Variants in RAP1GAP2 observed in about 807,000 individuals in gnomAD.
RAP1GAP2 encodes the protein RAP1 GTPase activating protein 2.
In RAP1GAP2, 27 loss-of-function variants were observed where a neutral mutation model predicts 95.0. That is an observed-to-expected ratio of 0.28 (90% CI 0.21 to 0.39). RAP1GAP2 has a LOEUF of 0.39. Among genes scored for constraint, RAP1GAP2 ranks in the 10% least tolerant of loss-of-function variants. The probability of loss-of-function intolerance (pLI) is 1.00; values close to 1 mark genes in which losing one functional copy is unlikely to be tolerated. For missense variants in RAP1GAP2, 771 were observed against 970.0 expected, an observed-to-expected ratio of 0.79 and a Z score of 2.72; for synonymous variants, 373 against 380.9, an observed-to-expected ratio of 0.98 and a Z score of 0.24.
intron 2 of RAP1GAP2, among the ~76,000 whole-genome samples, chr17:2,811,712 G>C (rs967797453): frequency 7.9e-5 from 12 of 152,080 alleles, no homozygotes; most frequent in African/African-American, 2.7e-4. Context: ...CGAGTAGCTG[G>C]GATTACAGGC....
intron 3 of RAP1GAP2, among the ~76,000 whole-genome samples, chr17:2,933,659 T>A (rs1007940678): frequency 6.6e-6 from 1 of 152,254 alleles, no homozygotes; most frequent in South Asian, 2.1e-4. Flanking sequence ...AGCCTTTGCC[T>A]GGGCTGTTCC....
At chr17:2,932,191 G>A (rs1313003197) in intron 3 of RAP1GAP2, among the ~76,000 whole-genome samples, 2 of 152,194 alleles carry the variant, frequency 1.3e-5, no homozygotes, top group Non-Finnish European at 2.9e-5. Flanking sequence ...CAGTGCTGAT[G>A]TGGTCATGGG....
chr17:2,773,428 G>T (rs559939643), upstream of RAP1GAP2, among the ~76,000 whole-genome samples: 47 of 152,258 alleles, frequency 3.1e-4, no homozygotes, highest in African/African-American at 1.1e-3. Context: ...TTGTGGTCAG[G>T]TCCTTGCAGA....
intron 2 of RAP1GAP2, among the ~76,000 whole-genome samples, chr17:2,880,789 T>A (rs552862816): frequency 6.6e-6 from 1 of 152,282 alleles, no homozygotes; most frequent in Admixed American, 6.5e-5. Context: ...GTATTTCCAT[T>A]GTACTTAGTG....
intron 2 of RAP1GAP2, among the ~76,000 whole-genome samples, chr17:2,805,199 C>T (rs114582705): frequency 0.021 from 3,170 of 152,258 alleles, 114 homozygotes; most frequent in African/African-American, 0.072. Flanking sequence ...AAGAGGCAGG[C>T]TCAGCGTGTG....
At position 2,784,202 on chromosome 17, in the gene RAP1GAP2, T is replaced by C. The variant is rs538224260; in HGVS notation, c.-14+6924T>C. 3.0e-4 allele frequency among the ~76,000 whole-genome samples: 45 copies of C among 152,226 alleles called. No homozygotes were observed. In the South Asian group the frequency reaches 9.3e-3, roughly 32 times the overall value. ...GTTAGCCAGGATGGTCTCGAATTCC[T>C]GACCTTGTGATCTGTCCTCCTCGGC... On this transcript the variant is annotated intron_variant, in intron 1 of 24. Coordinates refer to the RAP1GAP2 transcript ENST00000540393.
At chr17:2,811,277 G>A (rs2069761480) in intron 2 of RAP1GAP2, among the ~76,000 whole-genome samples, 1 of 152,178 alleles carries the variant, frequency 6.6e-6, no homozygotes, top group Non-Finnish European at 1.5e-5. Context: ...ACAGCTAGAG[G>A]CGATGGGCCT....
At chr17:2,956,468 C>T (rs919489611) in intron 3 of RAP1GAP2, among the ~76,000 whole-genome samples, 2 of 152,200 alleles carry the variant, frequency 1.3e-5, no homozygotes, top group Admixed American at 6.5e-5. Context: ...AGTTCTGGCC[C>T]ATGGGTGCCT....
At position 3,003,808 on chromosome 17, in the gene RAP1GAP2, G is replaced by A. The variant is rs140816876; in HGVS notation, c.1201-1561G>A. Among the ~76,000 whole-genome samples, 2 of 152,312 alleles carry A rather than the reference G, an allele frequency of 1.3e-5. No individual in the cohort carries two copies. Among genetic ancestry groups the A allele is most frequent in the African/African-American group, 4.8e-5 (2 of 41,564 alleles). On this transcript the variant is annotated intron_variant, in intron 14 of 24. Coordinates refer to ENST00000254695, the MANE Select transcript of RAP1GAP2 (RefSeq NM_015085.5). This position sits in a 1 kb window ranked among gnomAD's most constrained non-coding sequence, Gnocchi z 4.1. ...AGGGGGGAACAACAAAGGCCTGGCCGCCTGGTTGGAATGGGGTCAAGAGAG... is the reference window on the plus strand; with the variant it reads ...AGGGGGGAACAACAAAGGCCTGGCCACCTGGTTGGAATGGGGTCAAGAGAG...
chr17:2,871,699 A>C lies in RAP1GAP2; in HGVS notation c.81-33585A>C, dbSNP rs986063446. Among the ~76,000 whole-genome samples, 6 of 152,204 alleles carry C rather than the reference A, an allele frequency of 3.9e-5. No individual in the cohort carries two copies. Among genetic ancestry groups the C allele is most frequent in the African/African-American group, 1.2e-4 (5 of 41,464 alleles). On this transcript the variant is annotated intron_variant, in intron 2 of 24. Transcript: ENST00000254695. This position sits in a 1 kb window ranked among gnomAD's most constrained non-coding sequence, Gnocchi z 5.0. ...ATTGGTACCATCCCATGGGCAGTAC[A>C]GTTTGGCAGTAGCTGTCTCCATTAT...
At chr17:2,785,461 G>A (rs531669643) in intron 1 of RAP1GAP2, among the ~76,000 whole-genome samples, 11 of 150,926 alleles carry the variant, frequency 7.3e-5, no homozygotes, top group Non-Finnish European at 1.2e-4. Context: ...CCGGCCCTAG[G>A]AGTTAAAAAA....
upstream of RAP1GAP2, chr17:2,796,425 G>A (rs970225357): frequency 9.5e-5 from 127 of 1,341,314 alleles, no homozygotes; most frequent in South Asian, 1.9e-4. The surrounding 1 kb of genome is among the most constrained non-coding windows in gnomAD (Gnocchi z 4.7). Flanking sequence ...TGGGCTCCCC[G>A]CCCTGCACCG....
At chr17:2,815,274 C>G (rs1052235233) in intron 2 of RAP1GAP2, among the ~76,000 whole-genome samples, 8 of 152,102 alleles carry the variant, frequency 5.3e-5, no homozygotes, top group Non-Finnish European at 8.8e-5. Context: ...TTCACGTACT[C>G]TGGGTGACCT....
At chr17:2,998,028 A>G (rs1035990284) in intron 13 of RAP1GAP2, among the ~76,000 whole-genome samples, 193 bp from the exon 14 acceptor site, 23 of 152,064 alleles carry the variant, frequency 1.5e-4, no homozygotes, top group African/African-American at 4.3e-4. Flanking sequence ...AGCGTGTTCC[A>G]TGCACTTCTC....
At position 2,871,666 on chromosome 17, in the gene RAP1GAP2, G is replaced by T. The variant is rs1181773280; in HGVS notation, c.81-33618G>T. On this transcript the variant is annotated intron_variant, in intron 2 of 24. Coordinates refer to ENST00000254695, the MANE Select transcript of RAP1GAP2 (RefSeq NM_015085.5). This position sits in a 1 kb window ranked among gnomAD's most constrained non-coding sequence, Gnocchi z 5.0. ...CCCTCACCTTCATGCTGATTTCATT[G>T]GGGTTCAATTGGTACCATCCCATGG... Among the ~76,000 whole-genome samples the T allele has an allele frequency of 6.6e-6, 1 of 152,270 alleles. No individual in the cohort carries two copies. Among genetic ancestry groups the T allele is most frequent in the Non-Finnish European group, 1.5e-5 (1 of 68,016 alleles).
At chr17:2,794,750 C>T (rs899239352), upstream of RAP1GAP2, among the ~76,000 whole-genome samples, 3 of 152,122 alleles carry the variant, frequency 2.0e-5, no homozygotes, top group Admixed American at 6.5e-5. Flanking sequence ...TGGGGTTGGC[C>T]CCTGGCACCT....
intron 2 of RAP1GAP2, among the ~76,000 whole-genome samples, chr17:2,873,860 A>G (rs1164673180): frequency 2.0e-5 from 3 of 152,046 alleles, no homozygotes; most frequent in African/African-American, 7.2e-5. Context: ...CCTCCTGGGT[A>G]CAAGTGATTC....
intron 2 of RAP1GAP2, among the ~76,000 whole-genome samples, chr17:2,812,520 C>G (rs11652853): frequency 6.6e-6 from 1 of 151,900 alleles, no homozygotes; most frequent in South Asian, 2.1e-4. Flanking sequence ...CTTGATAGTG[C>G]TGACTCTGAT....
chr17:2,950,716 T>G (rs2043893549), intron 3 of RAP1GAP2, among the ~76,000 whole-genome samples: 2 of 149,288 alleles, frequency 1.3e-5, no homozygotes, highest in South Asian at 4.2e-4. Flanking sequence ...GCTCAAGCAA[T>G]TCTCCTGCCT....
Sources: gnomAD v4.1 joint callset for allele counts (sites outside exome capture counted in the v4.1 genomes callset) on GRCh38, gnomAD v4.1.1 for gene constraint, Gnocchi (gnomAD v3.1) non-coding constraint, MANE v1.5 for transcripts, NCBI Gene and HGNC (gene_info 2026-07-23, HGNC 2026-07-21) for gene names.